Variants in CCSER1 observed in about 807,000 individuals in gnomAD.
The protein encoded by CCSER1 is coiled-coil serine rich protein 1, also known as serine-rich coiled-coil domain-containing protein 1.
CCSER1 carries 41 observed loss-of-function variants against 82.0 expected under a neutral mutation model. The ratio of observed to expected loss-of-function variants is 0.50; its 90% CI spans 0.39 to 0.65. The LOEUF (loss-of-function observed/expected upper bound fraction) is 0.65, where lower values mean the gene tolerates loss of function less well. Ranked by LOEUF, CCSER1 falls within the 30% of genes least tolerant of loss-of-function variation. The probability of loss-of-function intolerance (pLI) is 0.00; values close to 1 mark genes in which losing one functional copy is unlikely to be tolerated. For synonymous variants in CCSER1, 414 were observed against 383.9 expected (o/e 1.08, Z -0.92); for missense variants, 1,119 against 1,064.2 (o/e 1.05, Z -0.72).
chr4:90,952,090 A>G (rs1732976073), intron 9 of CCSER1, among the ~76,000 whole-genome samples: 1 of 152,122 alleles, frequency 6.6e-6, no homozygotes, highest in Non-Finnish European at 1.5e-5. Flanking sequence ...GTCACCTTTA[A>G]TGGAGGCATA....
intron 4 of CCSER1, among the ~76,000 whole-genome samples, chr4:90,445,760 G>A (rs1760567051): frequency 6.6e-6 from 1 of 152,080 alleles, no homozygotes; most frequent in South Asian, 2.1e-4. Flanking sequence ...TAGATAGCAT[G>A]ACATTCCTGT....
At chr4:90,372,411 G>T (rs1747590693) in intron 3 of CCSER1, among the ~76,000 whole-genome samples, 1 of 152,166 alleles carries the variant, frequency 6.6e-6, no homozygotes, top group African/African-American at 2.4e-5. Flanking sequence ...GGAAATATCT[G>T]AGTGATATTG....
At chr4:90,847,376 C>T (rs978958342) in intron 8 of CCSER1, among the ~76,000 whole-genome samples, 1 of 152,198 alleles carries the variant, frequency 6.6e-6, no homozygotes, top group Admixed American at 6.5e-5. Flanking sequence ...AGACCTTGAG[C>T]TTTGCCACTT....
At chr4:90,333,416 C>G (rs999684036) in intron 3 of CCSER1, among the ~76,000 whole-genome samples, 2 of 151,412 alleles carry the variant, frequency 1.3e-5, no homozygotes, top group Admixed American at 6.6e-5. Context: ...GAAACAAACA[C>G]AAAACAAACA....
intron 9 of CCSER1, among the ~76,000 whole-genome samples, chr4:91,023,832 T>G (rs1318867450): frequency 6.6e-6 from 1 of 152,226 alleles, no homozygotes; most frequent in East Asian, 1.9e-4. Flanking sequence ...AATGCCATGT[T>G]TCTCAGAGTG....
At chr4:90,923,875 A>T (rs1183986698) in intron 9 of CCSER1, among the ~76,000 whole-genome samples, 1 of 152,256 alleles carries the variant, frequency 6.6e-6, no homozygotes, top group African/African-American at 2.4e-5. Context: ...AGAAAAATTT[A>T]AAATAATGTT....
chr4:91,376,606 AC>A (rs1226556731), intron 10 of CCSER1, among the ~76,000 whole-genome samples: 2 of 152,208 alleles, frequency 1.3e-5, no homozygotes, highest in Admixed American at 6.6e-5. Flanking sequence ...AAATTAAGCA[AC>A]CAGAGTTATG....
chr4:90,360,781 A>G (rs1406795600), intron 3 of CCSER1, among the ~76,000 whole-genome samples: 2 of 152,126 alleles, frequency 1.3e-5, no homozygotes, highest in African/African-American at 4.8e-5. Flanking sequence ...TTCATGGCCA[A>G]CATAATGCAT....
chr4:90,942,461 C>A (rs1278462323), intron 9 of CCSER1, among the ~76,000 whole-genome samples: 1 of 151,786 alleles, frequency 6.6e-6, no homozygotes, highest in African/African-American at 2.4e-5. Flanking sequence ...TTTCTATTTT[C>A]CTCTTTGATT....
intron 6 of CCSER1, among the ~76,000 whole-genome samples, chr4:90,673,984 A>G (rs1043065740): frequency 6.6e-6 from 1 of 151,940 alleles, no homozygotes. Context: ...GTTAGGTCCT[A>G]CCTTCCCACA....
intron 10 of CCSER1, among the ~76,000 whole-genome samples, chr4:91,572,952 G>A (rs1763260824): frequency 6.6e-6 from 1 of 152,136 alleles, no homozygotes; most frequent in Non-Finnish European, 1.5e-5. Flanking sequence ...AGCAAAGATG[G>A]TGGCCTGCCC....
chr4:90,369,069 A>C (rs981735921), intron 3 of CCSER1, among the ~76,000 whole-genome samples: 2 of 151,960 alleles, frequency 1.3e-5, no homozygotes, highest in Non-Finnish European at 2.9e-5. Flanking sequence ...TAAAATCAGT[A>C]AATAATATCT....
At chr4:90,708,479 G>C (rs918721282) in intron 6 of CCSER1, among the ~76,000 whole-genome samples, 2 of 152,080 alleles carry the variant, frequency 1.3e-5, no homozygotes, top group Non-Finnish European at 2.9e-5. Flanking sequence ...CACTAGTAGA[G>C]CTTCTGGTAC....
chr4:91,365,757 G>A (rs1405978184), intron 10 of CCSER1, among the ~76,000 whole-genome samples: 1 of 152,100 alleles, frequency 6.6e-6, no homozygotes, highest in Non-Finnish European at 1.5e-5. Context: ...GAAGTGGCGT[G>A]GTCAGAGGGA....
At chr4:90,352,339 CA>C (rs908872660) in intron 3 of CCSER1, among the ~76,000 whole-genome samples, 2 of 147,724 alleles carry the variant, frequency 1.4e-5, no homozygotes, top group African/African-American at 5.0e-5. Context: ...AATCAAAAAC[CA>C]AAAAAACAAA....
chr4:90,260,595 A>C (rs1222527489), intron 1 of CCSER1, among the ~76,000 whole-genome samples: 1 of 151,978 alleles, frequency 6.6e-6, no homozygotes, highest in Non-Finnish European at 1.5e-5. Context: ...TCTGGTTTTC[A>C]TTTACATGGA....
chr4:90,849,766 G>A (rs1474515619), intron 8 of CCSER1, among the ~76,000 whole-genome samples: 1 of 147,252 alleles, frequency 6.8e-6, no homozygotes, highest in Non-Finnish European at 1.5e-5. Flanking sequence ...TCCAGCCTGG[G>A]CAACAGTGCA....
intron 10 of CCSER1, among the ~76,000 whole-genome samples, chr4:91,445,910 C>T (rs1365462584): frequency 2.0e-5 from 3 of 151,740 alleles, no homozygotes; most frequent in African/African-American, 7.3e-5. Flanking sequence ...CATCTGCCAC[C>T]CTGCATTTCC....
chr4:91,166,479 G>T (rs1046228788), intron 10 of CCSER1, among the ~76,000 whole-genome samples: 1 of 152,092 alleles, frequency 6.6e-6, no homozygotes, highest in African/African-American at 2.4e-5. Flanking sequence ...ACCTGTCAAT[G>T]GGCCATGAGT....
Sources: allele counts gnomAD v4.1 joint callset (sites outside exome capture counted in the v4.1 genomes callset), GRCh38; gene constraint gnomAD v4.1.1; transcripts MANE v1.5; gene names NCBI Gene and HGNC (gene_info 2026-07-23, HGNC 2026-07-21).